Variants in CAMK1D observed in about 807,000 individuals in gnomAD.
CAMK1D encodes calcium/calmodulin dependent protein kinase ID.
CAMK1D carries 9 observed loss-of-function variants against 47.7 expected under a neutral mutation model. The ratio of observed to expected loss-of-function variants is 0.19; its 90% CI spans 0.11 to 0.33. The LOEUF (loss-of-function observed/expected upper bound fraction) is 0.33. CAMK1D is among the 10% of genes least tolerant of loss of function. The pLI is 1.00. For missense variants in CAMK1D, 291 were observed against 488.7 expected (o/e 0.60, Z 3.81); for synonymous variants, 184 against 184.9 (o/e 0.99, Z 0.04).
intron 5 of CAMK1D, among the ~76,000 whole-genome samples, chr10:12,783,951 G>A (rs1171100110): frequency 5.9e-5 from 9 of 152,156 alleles, no homozygotes; most frequent in Non-Finnish European, 1.3e-4. Flanking sequence ...TCTCTCCACA[G>A]GGGTCTCTGA....
intron 3 of CAMK1D, among the ~76,000 whole-genome samples, chr10:12,672,267 G>T (rs1165797830): frequency 1.3e-5 from 2 of 152,008 alleles, no homozygotes; most frequent in Admixed American, 6.6e-5. Context: ...TTTTAGTGGG[G>T]ATGATGTTCA....
intron 2 of CAMK1D, among the ~76,000 whole-genome samples, chr10:12,663,770 C>A (rs1840347006): frequency 6.6e-6 from 1 of 152,160 alleles, no homozygotes; most frequent in South Asian, 2.1e-4. Flanking sequence ...TTGTGCCCTA[C>A]TTCTAGGGCA....
At chr10:12,706,741 C>CA (rs764894832) in intron 3 of CAMK1D, among the ~76,000 whole-genome samples, 2,522 of 113,666 alleles carry the variant, frequency 0.022, 37 homozygotes, top group Middle Eastern at 0.064. Flanking sequence ...ACCCTGTCTC[C>CA]AAAAAAAAAA....
intron 1 of CAMK1D, among the ~76,000 whole-genome samples, chr10:12,408,848 C>CTTTTTTTTT (rs113921067): frequency 1.4e-3 from 175 of 121,858 alleles, no homozygotes; most frequent in Non-Finnish European, 1.7e-3. Flanking sequence ...TTCTTTCTTT[C>CTTTTTTTTT]TTTTTTTTTT....
intron 1 of CAMK1D, among the ~76,000 whole-genome samples, chr10:12,374,533 T>C (rs933109626): frequency 6.6e-6 from 1 of 152,242 alleles, no homozygotes; most frequent in Non-Finnish European, 1.5e-5. Context: ...ATCTGATCTC[T>C]GCCACCCACT....
chr10:12,383,825 AC>A (rs1838413972), intron 1 of CAMK1D, among the ~76,000 whole-genome samples: 1 of 152,054 alleles, frequency 6.6e-6, no homozygotes, highest in Admixed American at 6.5e-5. Context: ...TGCTCTCACC[AC>A]CCCCATTCAA....
Position 12,400,574 on chromosome 10 carries a change from G to A in CAMK1D, c.92+50664G>A, listed in dbSNP as rs141667658. 2.9e-4 allele frequency among the ~76,000 whole-genome samples: 44 copies of A among 152,198 alleles called. 2 individuals are homozygous for A. The highest frequency in any genetic ancestry group is 1.0e-3 in the African/African-American group (43 of 41,512). ...TAAACTTTTTTCTTAATAGCCGCTAGCTCTACAAATTTTAATCCCTACTAA... is the reference window on the plus strand; with the variant it reads ...TAAACTTTTTTCTTAATAGCCGCTAACTCTACAAATTTTAATCCCTACTAA... On this transcript the variant is annotated intron_variant, in intron 1 of 10. Transcript: ENST00000619168.
chr10:12,644,771 A>G (rs938905660), intron 2 of CAMK1D, among the ~76,000 whole-genome samples: 2 of 152,194 alleles, frequency 1.3e-5, no homozygotes, highest in Non-Finnish European at 2.9e-5. Context: ...AGAGAAAATG[A>G]CTTTCAACAT....
intron 1 of CAMK1D, among the ~76,000 whole-genome samples, chr10:12,503,557 G>A (rs879679153): frequency 6.6e-6 from 1 of 152,162 alleles, no homozygotes; most frequent in African/African-American, 2.4e-5. Flanking sequence ...GGAGAGGGGC[G>A]GGACGTTTGT....
chr10:12,578,072 T>TTTTA (rs1042700318), intron 2 of CAMK1D, among the ~76,000 whole-genome samples: 2 of 152,202 alleles, frequency 1.3e-5, no homozygotes, highest in Non-Finnish European at 2.9e-5. Flanking sequence ...ATAGTCTGCT[T>TTTTA]TTTATTTATT....
intron 1 of CAMK1D, among the ~76,000 whole-genome samples, chr10:12,376,162 CAAAAA>C (rs59804213): frequency 7.2e-4 from 43 of 60,006 alleles, no homozygotes; most frequent in South Asian, 1.7e-3. Flanking sequence ...GACTCTGTCC[CAAAAA>C]AAAAAAAAAA....
chr10:12,513,544 T>C (rs1835101639), intron 1 of CAMK1D, among the ~76,000 whole-genome samples: 1 of 152,140 alleles, frequency 6.6e-6, no homozygotes, highest in African/African-American at 2.4e-5. Flanking sequence ...CCCAGCACTT[T>C]GGAGGCCGAG....
In CAMK1D at chr10:12,679,828, G is replaced by A. The variant is rs529127217; in HGVS notation, c.299+13018G>A. 5.9e-5 allele frequency among the ~76,000 whole-genome samples: 9 copies of A among 152,256 alleles called. No individual in the cohort carries two copies. The South Asian group carries it at 1.7e-3, about 28-fold the overall frequency. On this transcript the variant is annotated intron_variant, in intron 3 of 10. Transcript: ENST00000619168. ...GAGCACAGTCCCGCCCAGCACCCGG[G>A]CATATCCCCCTGGCTAATTCTCCAT...
intron 1 of CAMK1D, among the ~76,000 whole-genome samples, chr10:12,433,340 T>C (rs879592568): frequency 8.5e-5 from 13 of 152,146 alleles, no homozygotes; most frequent in Non-Finnish European, 1.9e-4. Flanking sequence ...GCCTGATATC[T>C]TTCCCTCTGC....
At chr10:12,758,930 G>C (rs929668269) in intron 3 of CAMK1D, among the ~76,000 whole-genome samples, 1 of 152,242 alleles carries the variant, frequency 6.6e-6, no homozygotes, top group Non-Finnish European at 1.5e-5. Context: ...CTATGTGGAA[G>C]GGCATAATCG....
At chr10:12,560,328 G>A (rs1385901289) in intron 2 of CAMK1D, among the ~76,000 whole-genome samples, 6 of 151,922 alleles carry the variant, frequency 3.9e-5, no homozygotes, top group Admixed American at 2.0e-4. Context: ...CGAGGCGGGC[G>A]GATCACCTGA....
intron 5 of CAMK1D, among the ~76,000 whole-genome samples, chr10:12,778,212 G>T (rs3802569): frequency 6.6e-6 from 1 of 152,004 alleles, no homozygotes; most frequent in Non-Finnish European, 1.5e-5. Flanking sequence ...TAATTCTGCC[G>T]ACATGAAGCT....
intron 1 of CAMK1D, among the ~76,000 whole-genome samples, chr10:12,534,287 G>A (rs1165597873): frequency 6.6e-6 from 1 of 152,164 alleles, no homozygotes; most frequent in Non-Finnish European, 1.5e-5. Flanking sequence ...TCGGCTCACT[G>A]CAACCTCCGC....
intron 3 of CAMK1D, among the ~76,000 whole-genome samples, chr10:12,735,030 C>A (rs1354040881): frequency 6.6e-6 from 1 of 152,136 alleles, no homozygotes; most frequent in Non-Finnish European, 1.5e-5. Flanking sequence ...CCTGAAGTGC[C>A]TTAGAATAAT....
Sources: gnomAD v4.1 joint callset for allele counts (sites outside exome capture counted in the v4.1 genomes callset) on GRCh38, gnomAD v4.1.1 for gene constraint, MANE v1.5 for transcripts, NCBI Gene and HGNC (gene_info 2026-07-23, HGNC 2026-07-21) for gene names.